PUDP: variants seen among roughly 807,000 people sequenced by gnomAD.
PUDP encodes pseudouridine-5'-phosphatase.
PUDP carries 8 observed loss-of-function variants against 9.4 expected under a neutral mutation model. The observed-to-expected ratio is 0.85, with a 90% CI of 0.50 to 1.53. PUDP has a LOEUF of 1.53. Among genes scored for constraint, PUDP ranks in the 40% most tolerant of loss-of-function variants. PUDP has a pLI of 0.00. For synonymous variants in PUDP, 99 were observed against 80.7 expected (o/e 1.23, Z -1.22); for missense variants, 188 against 189.7 (o/e 0.99, Z 0.05).
intron 1 of PUDP, among the ~76,000 whole-genome samples, chrX:7,002,782 C>G (rs1448698319): frequency 9.0e-6 from 1 of 110,691 alleles, no homozygotes; most frequent in African/African-American, 3.3e-5. Flanking sequence ...CAGAGGGAAG[C>G]CGGAGTGGAA....
chrX:6,753,456 A>G (rs1395933835), intron 3 of PUDP, among the ~76,000 whole-genome samples: 1 of 19,074 alleles, frequency 5.2e-5, no homozygotes, highest in Non-Finnish European at 8.1e-5. Context: ...TCTTTTTCAT[A>G]TAATGATTTT....
intron 1 of PUDP, among the ~76,000 whole-genome samples, chrX:6,712,633 G>A (rs1201759124): frequency 1.8e-5 from 2 of 111,879 alleles, no homozygotes; most frequent in African/African-American, 6.5e-5. Flanking sequence ...GTTCATCTTG[G>A]GGATTCTGGG....
At chrX:6,993,269 C>T (rs180865395) in intron 1 of PUDP, among the ~76,000 whole-genome samples, 1 of 111,979 alleles carries the variant, frequency 8.9e-6, no homozygotes, top group Non-Finnish European at 1.9e-5. Context: ...CCCTTAGCAC[C>T]TTGGATGAAT....
At chrX:6,794,000 G>A (rs376357873) in intron 3 of PUDP, among the ~76,000 whole-genome samples, 3 of 111,457 alleles carry the variant, frequency 2.7e-5, no homozygotes, top group African/African-American at 9.8e-5. Context: ...AGTGAACTTG[G>A]GGCTATCAAT....
intron 3 of PUDP, among the ~76,000 whole-genome samples, chrX:6,932,781 C>CA (rs1481050661): frequency 8.9e-6 from 1 of 112,057 alleles, no homozygotes. Flanking sequence ...CTGCGCTTTT[C>CA]AGACGGGCTT....
intron 3 of PUDP, among the ~76,000 whole-genome samples, chrX:6,897,554 C>T (rs1927610329): frequency 9.0e-6 from 1 of 111,240 alleles, no homozygotes; most frequent in Non-Finnish European, 1.9e-5. Context: ...TGTCTGTGAC[C>T]TTGGGCAGGT....
intron 3 of PUDP, among the ~76,000 whole-genome samples, chrX:7,074,917 A>T (rs899078143): frequency 2.7e-5 from 3 of 112,184 alleles, no homozygotes; most frequent in Admixed American, 9.4e-5. Context: ...GTCCCACGTT[A>T]AGCAATTGCA....
chrX:6,788,994 A>C (rs1241842434), intron 3 of PUDP, among the ~76,000 whole-genome samples: 1 of 111,727 alleles, frequency 9.0e-6, no homozygotes, highest in Non-Finnish European at 1.9e-5. Flanking sequence ...TTTGTCAGTT[A>C]ATTAAACAGA....
rs1057210689 is a variant in PUDP at position 6,898,744 on chromosome X, T to C, written c.*247+78389A>G. 1.0e-4 allele frequency among the ~76,000 whole-genome samples: 11 copies of C among 107,191 alleles called. No homozygotes were observed. In the Admixed American group the frequency reaches 1.1e-3, roughly 11 times the overall value. 93.1% of individuals were successfully genotyped at this position (107,191 alleles called of 115,157 possible). A position where few individuals can be genotyped will look rare whatever the true frequency, so the allele number is the denominator to read the frequency against. Reference sequence around the variant, plus strand: ...ACACTGAAATTTTAATTTCACAGAATTTTTGTGTGTCAAGAAATATTCTTC... The same window carrying C: ...ACACTGAAATTTTAATTTCACAGAACTTTTGTGTGTCAAGAAATATTCTTC... On this transcript the variant is annotated intron_variant and NMD_transcript_variant, in intron 3 of 3. Transcript: ENST00000655425.
chrX:6,785,978 T>G (rs1158049479), intron 3 of PUDP, among the ~76,000 whole-genome samples: 1 of 111,442 alleles, frequency 9.0e-6, no homozygotes, highest in African/African-American at 3.3e-5. Flanking sequence ...CATTCTTGTC[T>G]GAGAAATGAC....
At chrX:6,744,551 C>T (rs1459806636) in intron 3 of PUDP, among the ~76,000 whole-genome samples, 1 of 111,544 alleles carries the variant, frequency 9.0e-6, no homozygotes, top group African/African-American at 3.3e-5. Context: ...TATCTTAGAT[C>T]AGGCACTGTA....
At chrX:6,867,218 A>G (rs1927100272) in intron 3 of PUDP, among the ~76,000 whole-genome samples, 1 of 111,818 alleles carries the variant, frequency 8.9e-6, no homozygotes. Flanking sequence ...CTGAGAACAC[A>G]TTGCCCCCTA....
chrX:6,939,021 T>C (rs1195477258), intron 3 of PUDP, among the ~76,000 whole-genome samples: 1 of 110,591 alleles, frequency 9.0e-6, no homozygotes, highest in Non-Finnish European at 1.9e-5. Flanking sequence ...CTCAACTCTT[T>C]GGTTCTTTTG....
chrX:7,061,314 A>G (rs1212517861), intron 3 of PUDP, among the ~76,000 whole-genome samples: 2 of 111,504 alleles, frequency 1.8e-5, no homozygotes, highest in Non-Finnish European at 3.8e-5. Flanking sequence ...ACACAGATAC[A>G]CTATATTTTT....
At chrX:7,019,385 G>A (rs904590618) in intron 1 of PUDP, among the ~76,000 whole-genome samples, 12 of 111,836 alleles carry the variant, frequency 1.1e-4, no homozygotes, top group African/African-American at 3.6e-4. Flanking sequence ...TGAGACGGCT[G>A]TTCAGAAAGC....
intron 3 of PUDP, among the ~76,000 whole-genome samples, chrX:6,923,098 C>T (rs1268613370): frequency 9.0e-6 from 1 of 111,713 alleles, no homozygotes; most frequent in Non-Finnish European, 1.9e-5. Flanking sequence ...AACTTGATCT[C>T]TCAAGAGCAT....
At chrX:6,860,118 T>C (rs979931519) in intron 3 of PUDP, among the ~76,000 whole-genome samples, 1 of 111,351 alleles carries the variant, frequency 9.0e-6, no homozygotes, top group Admixed American at 9.5e-5. Context: ...TTTGGACCCA[T>C]GTAGCTCAGT....
chrX:7,033,031 T>A (rs750835091), intron 1 of PUDP, among the ~76,000 whole-genome samples: 1 of 111,558 alleles, frequency 9.0e-6, no homozygotes, highest in Non-Finnish European at 1.9e-5. Context: ...CACCATCTAA[T>A]CAGCTGCCAG....
chrX:6,855,225 TTC>T (rs1346885335), intron 3 of PUDP, among the ~76,000 whole-genome samples: 1 of 111,808 alleles, frequency 8.9e-6, no homozygotes, highest in East Asian at 2.8e-4. Context: ...CTTTATGACT[TTC>T]TTAATAACAT....
Sources: allele counts gnomAD v4.1 joint callset (sites outside exome capture counted in the v4.1 genomes callset), GRCh38; gene constraint gnomAD v4.1.1; transcripts MANE v1.5; gene names NCBI Gene and HGNC (gene_info 2026-07-23, HGNC 2026-07-21).